Variants in FOXP1 observed in about 807,000 individuals in gnomAD.
The protein encoded by FOXP1 is forkhead box P1.
Under a neutral mutation model 98.2 loss-of-function variants are expected in FOXP1, and 15 were observed. The ratio of observed to expected loss-of-function variants is 0.15; its 90% CI spans 0.10 to 0.24. FOXP1 has a LOEUF of 0.24. FOXP1 is among the 10% of genes least tolerant of loss of function. The probability of loss-of-function intolerance (pLI) is 1.00; values close to 1 mark genes in which losing one functional copy is unlikely to be tolerated. For missense variants in FOXP1, 633 were observed against 848.5 expected, an observed-to-expected ratio of 0.75 and a Z score of 3.15; for synonymous variants, 371 against 314.5, an observed-to-expected ratio of 1.18 and a Z score of -1.90.
chr3:71,573,301 G>T (rs900571611), intron 2 of FOXP1, among the ~76,000 whole-genome samples: 1 of 152,128 alleles, frequency 6.6e-6, no homozygotes, highest in African/African-American at 2.4e-5. Flanking sequence ...GGACAAAAAG[G>T]TATCAGAAAA....
Position 71,429,851 on chromosome 3 carries a change from T to C in FOXP1, c.-168+63575A>G, listed in dbSNP as rs559537073. ...TTTTCATTCACTTTATTAAATACAA[T>C]CAAAAATGATGTGTGGTTTATTCCT... On this transcript the variant is annotated intron_variant, in intron 3 of 20. Coordinates refer to ENST00000649528, the MANE Select transcript of FOXP1 (RefSeq NM_001349338.3). 2.6e-5 allele frequency among the ~76,000 whole-genome samples: 4 copies of C among 152,252 alleles called. No individual in the cohort carries two copies. The East Asian group carries it at 5.8e-4, about 22-fold the overall frequency.
At chr3:71,431,914 A>C (rs1351520324) in intron 3 of FOXP1, among the ~76,000 whole-genome samples, 7 of 152,202 alleles carry the variant, frequency 4.6e-5, no homozygotes, top group African/African-American at 1.4e-4. Context: ...GACTAAATTT[A>C]AACACCATCA....
Position 71,312,418 on chromosome 3 carries a change from G to A in FOXP1, c.-72-12538C>T, listed in dbSNP as rs2074757141. Among the ~76,000 whole-genome samples the A allele has an allele frequency of 2.0e-5, 3 of 152,306 alleles. No individual in the cohort carries two copies. In the South Asian group the frequency reaches 6.2e-4, roughly 32 times the overall value. On this transcript the variant is annotated intron_variant, in intron 4 of 20. Coordinates refer to ENST00000649528, the MANE Select transcript of FOXP1 (RefSeq NM_001349338.3). ...TACTGTGTTCACTACGAAGAATTCA[G>A]GCTTCAAGCTCCCCTTGGAAGGAGC...
intron 5 of FOXP1, among the ~76,000 whole-genome samples, chr3:71,257,378 G>A (rs973062363): frequency 6.6e-6 from 1 of 152,024 alleles, no homozygotes; most frequent in African/African-American, 2.4e-5. Context: ...GAAGTTTCGA[G>A]ACCAGCCTGG....
intron 4 of FOXP1, among the ~76,000 whole-genome samples, chr3:71,327,827 A>G (rs2076008291): frequency 6.6e-6 from 1 of 151,740 alleles, no homozygotes; most frequent in Non-Finnish European, 1.5e-5. Context: ...AATCTAACTC[A>G]CTCTTTTTGC....
chr3:71,128,463 A>C (rs2059367908), intron 6 of FOXP1, among the ~76,000 whole-genome samples: 1 of 152,206 alleles, frequency 6.6e-6, no homozygotes, highest in South Asian at 2.1e-4. Context: ...TCTGAGGGAC[A>C]CAGACATATA....
At chr3:71,407,777 T>C (rs546187853) in intron 3 of FOXP1, among the ~76,000 whole-genome samples, 1 of 151,500 alleles carries the variant, frequency 6.6e-6, no homozygotes, top group East Asian at 1.9e-4. Context: ...AAAAAAAAAA[T>C]CTCCATTTCA....
At chr3:71,325,570 G>T (rs908336041) in intron 4 of FOXP1, among the ~76,000 whole-genome samples, 1 of 152,082 alleles carries the variant, frequency 6.6e-6, no homozygotes, top group Non-Finnish European at 1.5e-5. Context: ...TTCAGTCTAA[G>T]CAAGTTTGAC....
chr3:70,979,051 G>C (rs1002502378), intron 14 of FOXP1, among the ~76,000 whole-genome samples: 1 of 151,944 alleles, frequency 6.6e-6, no homozygotes, highest in Non-Finnish European at 1.5e-5. Flanking sequence ...AGGATCTCTT[G>C]AGGCCAGGAG....
chr3:71,517,849 C>T (rs927258373), intron 2 of FOXP1, among the ~76,000 whole-genome samples: 7 of 152,222 alleles, frequency 4.6e-5, no homozygotes, highest in Non-Finnish European at 8.8e-5. Context: ...GTAATGTCTA[C>T]ATCTAATGTT....
chr3:71,087,366 CA>C lies in FOXP1; in HGVS notation c.282+25169del, dbSNP rs1438336737. On this transcript the variant is annotated intron_variant, in intron 7 of 20. Transcript: ENST00000649528. ...ATGTTAATTGATCAAACAACGACAA[CA>C]AAATACCGGTTTTGTCTGGCAAAGG... 3.9e-5 allele frequency among the ~76,000 whole-genome samples: 6 copies of C among 152,168 alleles called. No individual in the cohort carries two copies. The East Asian group carries it at 1.2e-3, about 29-fold the overall frequency.
chr3:71,356,518 C>T (rs1240925526), intron 4 of FOXP1, among the ~76,000 whole-genome samples: 1 of 152,168 alleles, frequency 6.6e-6, no homozygotes, highest in Non-Finnish European at 1.5e-5. Context: ...CACTGTATCA[C>T]CTGGGGTGCC....
intron 4 of FOXP1, among the ~76,000 whole-genome samples, chr3:71,303,275 TA>T (rs1279040229): frequency 2.6e-5 from 4 of 152,198 alleles, no homozygotes; most frequent in Admixed American, 2.6e-4. Context: ...ATCTTCAGCC[TA>T]CCCAATACTG....
intron 5 of FOXP1, among the ~76,000 whole-genome samples, chr3:71,295,534 T>G (rs2073197026): frequency 6.6e-6 from 1 of 151,478 alleles, no homozygotes; most frequent in Admixed American, 6.6e-5. Flanking sequence ...TTTTGATTGT[T>G]TTTTAGTTTT....
chr3:70,956,731 AGTTTTTTTTTTTTTTTTTT>A lies in FOXP1; in HGVS notation c.*2497_*2515del. On this transcript the variant is annotated 3_prime_UTR_variant, in exon 21 of 21. Transcript: ENST00000649528. Reference sequence around the variant, plus strand: ...TGCACATCATGAAGCTGCCTGGAAAAGTTTTTTTTTTTTTTTTTTTTTTTTTTTTTTTTTTTTTTTTTAA... The same window carrying A: ...TGCACATCATGAAGCTGCCTGGAAAATTTTTTTTTTTTTTTTTTTTTTTAA... The A allele has an allele frequency of 9.8e-6, 1 of 101,722 alleles. No individual in the cohort carries two copies. The highest frequency in any genetic ancestry group is 2.4e-4 in the East Asian group (1 of 4,092). The allele number at this position is 101,722 out of a possible 1,614,324, so 6.3% of individuals were successfully genotyped here. A position where few individuals can be genotyped will look rare whatever the true frequency, so the allele number is the denominator to read the frequency against.
At chr3:71,206,647 A>G (rs945281906) in intron 5 of FOXP1, among the ~76,000 whole-genome samples, 3 of 152,250 alleles carry the variant, frequency 2.0e-5, no homozygotes, top group Non-Finnish European at 4.4e-5. Flanking sequence ...TTCCAATGCC[A>G]AGGCAGTAAA....
intron 7 of FOXP1, among the ~76,000 whole-genome samples, chr3:71,078,820 T>A (rs1250022865): frequency 6.6e-6 from 1 of 152,056 alleles, no homozygotes; most frequent in Non-Finnish European, 1.5e-5. Context: ...CAGACTTCAT[T>A]GGAGCCACTA....
intron 5 of FOXP1, among the ~76,000 whole-genome samples, chr3:71,272,548 C>T (rs967364030): frequency 6.6e-6 from 1 of 150,492 alleles, no homozygotes; most frequent in Non-Finnish European, 1.5e-5. Context: ...TACCCCCCAG[C>T]CCCCCACCCC....
At chr3:71,540,621 GTAT>G (rs1332623623) in intron 2 of FOXP1, among the ~76,000 whole-genome samples, 1 of 152,232 alleles carries the variant, frequency 6.6e-6, no homozygotes, top group Admixed American at 6.5e-5. Flanking sequence ...CTTAAGGCAA[GTAT>G]TATTATCATC....
Sources: gnomAD v4.1 joint callset for allele counts (sites outside exome capture counted in the v4.1 genomes callset) on GRCh38, gnomAD v4.1.1 for gene constraint, MANE v1.5 for transcripts, NCBI Gene and HGNC (gene_info 2026-07-23, HGNC 2026-07-21) for gene names.